The following UTRN variants were observed in gnomAD, a reference collection of about 807,000 sequenced individuals.
UTRN encodes utrophin, also known as dystrophin-related protein 1.
Under a neutral mutation model 463.9 loss-of-function variants are expected in UTRN, and 283 were observed. The observed-to-expected ratio is 0.61, with a 90% CI of 0.55 to 0.67. UTRN has a LOEUF of 0.67. Among genes scored for constraint, UTRN ranks in the 30% least tolerant of loss-of-function variants. UTRN has a pLI of 0.00. For synonymous variants in UTRN, 1,442 were observed against 1,431.5 expected (o/e 1.01, Z -0.17); for missense variants, 3,922 against 4,084.3 (o/e 0.96, Z 1.08).
Position 144,447,761 on chromosome 6 carries a change from C to G in UTRN, c.1882C>G (p.Leu628Val), listed in dbSNP as rs762025614. ...AAGATGGGATTCTTTGGTTCAGAGA[C>G]TAGAAGATTCCTCCAACCAGGTACT... ...TQRWDSLVQR[L>V]EDSSNQVTQA... Residue 628 changes from leucine to valine, a missense_variant, in exon 16 of 75, where the codon CTA becomes GTA. Leu to Val is a conservative substitution (Grantham distance 32). This residue lies in a region of UTRN where 2,349 missense variants were observed against 2,303.8 expected (regional missense o/e 1.02). Coordinates refer to ENST00000367545, the MANE Select transcript of UTRN (RefSeq NM_007124.3). 1 of 1,611,844 alleles carries G rather than the reference C, an allele frequency of 6.2e-7. No homozygotes were observed. The highest frequency in any genetic ancestry group is 1.3e-5 in the African/African-American group (1 of 74,878).
intron 54 of UTRN, among the ~76,000 whole-genome samples, chr6:144,746,829 T>C (rs549784788): frequency 1.3e-5 from 2 of 152,246 alleles, no homozygotes; most frequent in Non-Finnish European, 2.9e-5. Flanking sequence ...TCAGCCTATC[T>C]ACCAGTTGTG....
rs370281484 is a variant in UTRN, at chr6:144,473,786, G to A, written c.3133G>A (p.Ala1045Thr). The A allele has an allele frequency of 1.9e-6, 3 of 1,614,028 alleles. No homozygotes were observed. Among genetic ancestry groups the A allele is most frequent in the African/African-American group, 2.7e-5 (2 of 74,924 alleles). Residue 1045 changes from alanine (A) to threonine (T), a missense_variant, in exon 24 of 75, where the codon GCC (alanine) becomes ACC (threonine). This residue lies in a region of UTRN where 2,349 missense variants were observed against 2,303.8 expected (regional missense o/e 1.02). Transcript: ENST00000367545. ...AGACTTCTTAATGAAACAGCAGGCT[G>A]CCCAAGGAGACGACGCAGGTCTACA... ...VKDFLMKQQA[A>T]QGDDAGLQRQ...
intron 58 of UTRN, among the ~76,000 whole-genome samples, chr6:144,759,059 C>T (rs1270297481): frequency 6.6e-6 from 1 of 152,006 alleles, no homozygotes; most frequent in African/African-American, 2.4e-5. Flanking sequence ...TTTTTTATTA[C>T]AGTCTGAGAT....
chr6:144,787,792 T>C (rs1348289154), intron 61 of UTRN, among the ~76,000 whole-genome samples: 1 of 152,198 alleles, frequency 6.6e-6, no homozygotes, highest in Non-Finnish European at 1.5e-5. Flanking sequence ...CATTCATATA[T>C]TTATGTAAAC....
rs1346652838 is a variant in UTRN at position 144,458,863 on chromosome 6, A to G, written c.2378A>G (p.Lys793Arg). The stretch of plus-strand genomic sequence containing the variant: ...CAACATTTGGAAGATCTAGAAAGAA[A>G]GATTCAGCTACAGGAAGATATAAAT... ...VSQHLEDLER[K>R]IQLQEDINAY... The change falls in exon 20 of 75, where the codon AAG becomes AGG. Residue 793 changes from lysine to arginine, a missense_variant. Lys to Arg is a conservative substitution (Grantham distance 26). Around this residue, in one of 3 missense-constraint regions of UTRN, gnomAD observed 2,349 missense variants for 2,303.8 expected, o/e 1.02. Transcript: ENST00000367545. 1.9e-6 allele frequency: 3 copies of G among 1,613,782 alleles called. No homozygotes were observed. The highest frequency in any genetic ancestry group is 2.5e-6 in the Non-Finnish European group (3 of 1,179,930).
At chr6:144,507,568 G>A (rs111587226) in intron 34 of UTRN, among the ~76,000 whole-genome samples, 2,908 of 152,234 alleles carry the variant, frequency 0.019, 105 homozygotes, top group African/African-American at 0.067. Flanking sequence ...CCCCAGACCT[G>A]TTTGCCTGGG....
intron 37 of UTRN, among the ~76,000 whole-genome samples, chr6:144,515,373 T>C (rs1795524691): frequency 6.6e-6 from 1 of 152,188 alleles, no homozygotes; most frequent in South Asian, 2.1e-4. Context: ...TTAGAATTGG[T>C]TATGAAATGA....
chr6:144,353,718 G>A lies in UTRN; in HGVS notation c.80-49405G>A, dbSNP rs140344604. On this transcript the variant is annotated intron_variant, in intron 2 of 74. Transcript: ENST00000367545. ...AAAAATTAGCTGGGTGTGGTGGTGA[G>A]TGCCTGTAATCTCAACTACTTGGGA... 6.2e-3 allele frequency among the ~76,000 whole-genome samples: 944 copies of A among 152,298 alleles called. 9 individuals are homozygous for A. Among genetic ancestry groups the A allele is most frequent in the African/African-American group, 0.022 (911 of 41,564 alleles).
intron 34 of UTRN, among the ~76,000 whole-genome samples, chr6:144,501,234 G>A (rs1027566101): frequency 1.3e-5 from 2 of 152,204 alleles, no homozygotes; most frequent in Non-Finnish European, 2.9e-5. Context: ...TCATCGGTGT[G>A]TTGTGGTTGA....
intron 51 of UTRN, among the ~76,000 whole-genome samples, chr6:144,639,165 A>G (rs921273167): frequency 2.0e-5 from 3 of 152,226 alleles, no homozygotes; most frequent in Admixed American, 6.5e-5. Context: ...ATCTTTGATG[A>G]CCTTACTGCT....
intron 52 of UTRN, among the ~76,000 whole-genome samples, chr6:144,696,210 T>C (rs1477730538): frequency 6.6e-6 from 1 of 152,188 alleles, no homozygotes. Context: ...TAAATTTTTT[T>C]TTTTTCCAAA....
chr6:144,413,106 C>T (rs1784063611), intron 3 of UTRN, among the ~76,000 whole-genome samples: 1 of 152,066 alleles, frequency 6.6e-6, no homozygotes, highest in Non-Finnish European at 1.5e-5. Context: ...GCAAATTCAC[C>T]TTAACGTGTT....
rs1795662166 is a variant in UTRN at position 144,516,928 on chromosome 6, A to G, written c.5521A>G (p.Thr1841Ala). The part of the protein sequence containing the change: ...KIRLQLLLLH[T>A]RYNKIKAIPI... ...CCGTTTGCAATTATTACTTTTGCAT[A>G]CTAGATACAACAAAATTAAGGTATT... The change falls in exon 39 of 75, where the codon ACT becomes GCT. Residue 1841 changes from threonine (T) to alanine (A), a missense_variant. Thr to Ala is a moderately conservative substitution (Grantham distance 58, BLOSUM62 0). Around this residue, in one of 3 missense-constraint regions of UTRN, gnomAD observed 2,349 missense variants for 2,303.8 expected, o/e 1.02. Coordinates refer to ENST00000367545, the MANE Select transcript of UTRN (RefSeq NM_007124.3). 1.3e-6 allele frequency: 2 copies of G among 1,482,374 alleles called. No individual in the cohort carries two copies. The highest frequency in any genetic ancestry group is 1.8e-6 in the Non-Finnish European group (2 of 1,120,860). The allele number at this position is 1,482,374 out of a possible 1,614,324, so 91.8% of individuals were successfully genotyped here.
chr6:144,582,841 T>G (rs1214137970), intron 51 of UTRN, among the ~76,000 whole-genome samples: 1 of 152,178 alleles, frequency 6.6e-6, no homozygotes, highest in Non-Finnish European at 1.5e-5. Flanking sequence ...TAGGTGATTT[T>G]GGGCTGAGAT....
chr6:144,539,484 G>T, intron 45 of UTRN, 41 bp downstream of exon 45: 1 of 1,530,906 alleles, frequency 6.5e-7, no homozygotes, highest in Non-Finnish European at 8.8e-7. Context: ...CATATTTATT[G>T]ATTTTGTTGT....
intron 69 of UTRN, among the ~76,000 whole-genome samples, chr6:144,832,764 A>C (rs996742426): frequency 6.6e-6 from 1 of 151,902 alleles, no homozygotes; most frequent in Non-Finnish European, 1.5e-5. Flanking sequence ...ATTTTCTTTT[A>C]GGTATGTTAT....
chr6:144,638,844 G>A (rs1777466622), intron 51 of UTRN, among the ~76,000 whole-genome samples: 1 of 152,102 alleles, frequency 6.6e-6, no homozygotes, highest in Non-Finnish European at 1.5e-5. Context: ...AGGCTGAGGT[G>A]GGAGGATCGC....
At chr6:144,661,025 A>G (rs766695076) in intron 51 of UTRN, among the ~76,000 whole-genome samples, 2 of 152,202 alleles carry the variant, frequency 1.3e-5, no homozygotes, top group South Asian at 4.1e-4. Context: ...CCAAACACCA[A>G]TCTTCTTCCA....
intron 51 of UTRN, among the ~76,000 whole-genome samples, chr6:144,624,501 A>G (rs1485306717): frequency 1.3e-5 from 2 of 152,184 alleles, no homozygotes; most frequent in African/African-American, 4.8e-5. Context: ...GAAAATAGCC[A>G]CTGATACCTG....
Sources: gnomAD v4.1 joint callset for allele counts (sites outside exome capture counted in the v4.1 genomes callset) on GRCh38, gnomAD v4.1.1 for gene constraint, gnomAD v4.1.1 regional missense constraint, MANE v1.5 for transcripts, NCBI Gene and HGNC (gene_info 2026-07-23, HGNC 2026-07-21) for gene names.